SMARCA2: variants seen among roughly 807,000 people sequenced by gnomAD.
SMARCA2 encodes the protein SWI/SNF related BAF chromatin remodeling complex subunit ATPase 2.
A neutral mutation model predicts 199.8 loss-of-function variants in SMARCA2; 61 were observed. That is an observed-to-expected ratio of 0.31 (90% CI 0.25 to 0.38). SMARCA2 has a LOEUF of 0.38. SMARCA2 is among the 10% of genes least tolerant of loss of function. The pLI is 1.00. For synonymous variants in SMARCA2, 935 were observed against 732.0 expected (o/e 1.28, Z -4.48); for missense variants, 1,344 against 2,012.2 (o/e 0.67, Z 6.35).
At chr9:2,077,444 G>A (rs73638378) in intron 13 of SMARCA2, among the ~76,000 whole-genome samples, 185 bp from the exon 14 acceptor site, 3 of 152,056 alleles carry the variant, frequency 2.0e-5, no homozygotes, top group Non-Finnish European at 4.4e-5. Flanking sequence ...TCATCATAAC[G>A]CCTTTTGTGC....
At chr9:2,184,457 A>G (rs146365575) in intron 31 of SMARCA2, among the ~76,000 whole-genome samples, 2 of 151,094 alleles carry the variant, frequency 1.3e-5, no homozygotes, top group South Asian at 2.1e-4. Flanking sequence ...GGTTCAAGCA[A>G]TTCTTCTGCC....
At chr9:2,139,585 C>A (rs1824369672) in intron 27 of SMARCA2, among the ~76,000 whole-genome samples, 1 of 152,072 alleles carries the variant, frequency 6.6e-6, no homozygotes, top group Admixed American at 6.5e-5. Context: ...TATTTGCTGC[C>A]ATTTTATCTG....
intron 29 of SMARCA2, among the ~76,000 whole-genome samples, chr9:2,176,189 T>G (rs1220482287): frequency 3.7e-5 from 5 of 135,706 alleles, no homozygotes; most frequent in South Asian, 2.1e-4. Context: ...CCTGTTTTTT[T>G]TTTTTTTTTT....
intron 29 of SMARCA2, among the ~76,000 whole-genome samples, chr9:2,176,335 A>G (rs1170069593): frequency 6.6e-6 from 1 of 152,104 alleles, no homozygotes; most frequent in African/African-American, 2.4e-5. Context: ...TAATCCTGTC[A>G]TGAACATCTT....
chr9:2,026,227 G>C (rs1417778799), intron 1 of SMARCA2, among the ~76,000 whole-genome samples: 5 of 152,174 alleles, frequency 3.3e-5, no homozygotes, highest in East Asian at 3.8e-4. Flanking sequence ...ATGGCACAGG[G>C]TACATTTCTT....
chr9:2,066,684 T>C (rs1820850441), intron 9 of SMARCA2, among the ~76,000 whole-genome samples: 2 of 152,238 alleles, frequency 1.3e-5, no homozygotes, highest in Admixed American at 1.3e-4. Flanking sequence ...CAGTGTTTTG[T>C]TTTGTTTTCA....
Position 2,088,617 on chromosome 9 carries a change from T to C in SMARCA2, c.2883+4T>C, listed in dbSNP as rs370901967. ...TGAATCCCAGCTTCCCGAAAAAGTATGTTGCACAACCAAAAGTTGTGGGTT... is the reference window on the plus strand; with the variant it reads ...TGAATCCCAGCTTCCCGAAAAAGTACGTTGCACAACCAAAAGTTGTGGGTT... On this transcript the variant is annotated splice_donor_region_variant and intron_variant, in intron 19 of 33. Coordinates refer to ENST00000349721, the MANE Select transcript of SMARCA2 (RefSeq NM_003070.5). The C allele has an allele frequency of 5.7e-6, 9 of 1,579,736 alleles. No individual in the cohort carries two copies. The highest frequency in any genetic ancestry group is 4.5e-5 in the East Asian group (2 of 44,416).
At chr9:2,060,771 G>T (rs369118319) in intron 8 of SMARCA2, 45 bp from the exon 9 acceptor site, 309 of 1,585,586 alleles carry the variant, frequency 1.9e-4, no homozygotes, top group Non-Finnish European at 2.5e-4. Flanking sequence ...GGAGTTGTCT[G>T]CACGCTTATA....
intron 27 of SMARCA2, chr9:2,160,703 G>C: frequency 1.5e-6 from 1 of 647,496 alleles, no homozygotes; most frequent in Non-Finnish European, 2.8e-6. Flanking sequence ...TTGAGAGGCA[G>C]GAGGAACAAA....
chr9:2,048,338 C>A (rs1474584799), intron 5 of SMARCA2, among the ~76,000 whole-genome samples: 7 of 152,106 alleles, frequency 4.6e-5, no homozygotes, highest in Non-Finnish European at 1.0e-4. Context: ...AACTTCTTAC[C>A]GTGGCGAAGT....
intron 5 of SMARCA2, among the ~76,000 whole-genome samples, chr9:2,051,921 G>T (rs1820135712): frequency 6.6e-6 from 1 of 152,120 alleles, no homozygotes; most frequent in Admixed American, 6.5e-5. Context: ...TGTATCCAGA[G>T]ATTTGGGGCT....
intron 28 of SMARCA2, among the ~76,000 whole-genome samples, chr9:2,167,097 G>C (rs193270570): frequency 6.2e-4 from 95 of 152,304 alleles, no homozygotes; most frequent in African/African-American, 2.2e-3. Context: ...TGGGACATTT[G>C]CTTATCTCTA....
intron 23 of SMARCA2, among the ~76,000 whole-genome samples, chr9:2,106,202 G>A (rs1248768578): frequency 2.0e-5 from 3 of 152,196 alleles, no homozygotes; most frequent in Non-Finnish European, 2.9e-5. Context: ...GTGAAACCAG[G>A]TTCTAACTTG....
In SMARCA2 at chr9:2,119,982, C is replaced by T. The variant is rs547977654; in HGVS notation, c.3762+447C>T. On this transcript the variant is annotated intron_variant, in intron 26 of 33. Coordinates refer to ENST00000349721, the MANE Select transcript of SMARCA2 (RefSeq NM_003070.5). This position sits in a 1 kb window ranked among gnomAD's most constrained non-coding sequence, Gnocchi z 4.6. Reference sequence around the variant, plus strand: ...TGGCTCCTATAGGCATTGGAACTTACAACAGTGCCCTTACAGGATCAAAGC... The same window carrying T: ...TGGCTCCTATAGGCATTGGAACTTATAACAGTGCCCTTACAGGATCAAAGC... Among the ~76,000 whole-genome samples the T allele has an allele frequency of 6.6e-6, 1 of 152,328 alleles. No homozygotes were observed. The highest frequency in any genetic ancestry group is 2.1e-4 in the South Asian group (1 of 4,828).
In SMARCA2 at chr9:2,139,561, C is replaced by G. The variant is rs6475531; in HGVS notation, c.3981+15624C>G. Among the ~76,000 whole-genome samples the G allele has an allele frequency of 7.5e-3, 1,136 of 152,170 alleles. 15 individuals are homozygous for G. Among genetic ancestry groups the G allele is most frequent in the African/African-American group, 0.026 (1,091 of 41,500 alleles). ...ATTAATAAGTCCAGCATAGGGGTTA[C>G]TGGTATATATTTTTATTTGCTGCCA... On this transcript the variant is annotated intron_variant, in intron 27 of 33. Coordinates refer to ENST00000349721, the MANE Select transcript of SMARCA2 (RefSeq NM_003070.5).
At chr9:2,040,324 A>G (rs753739969) in intron 4 of SMARCA2, 3 of 256,130 alleles carry the variant, frequency 1.2e-5, no homozygotes, top group Non-Finnish European at 2.2e-5. Context: ...CCTTTTTGTT[A>G]TGAAGAACAT....
intron 23 of SMARCA2, among the ~76,000 whole-genome samples, chr9:2,106,037 G>A (rs1458132035): frequency 1.3e-5 from 2 of 152,196 alleles, no homozygotes; most frequent in African/African-American, 2.4e-5. Flanking sequence ...AGTCACAACA[G>A]CTAACATGTA....
intron 27 of SMARCA2, 67 bp downstream of exon 27, chr9:2,124,004 G>C (rs1054524340): frequency 1.7e-5 from 22 of 1,297,268 alleles, no homozygotes; most frequent in Non-Finnish European, 2.1e-5. Context: ...AGAAACCAGG[G>C]GCCTAGAGCT....
At chr9:2,145,786 T>G (rs1273649380) in intron 27 of SMARCA2, among the ~76,000 whole-genome samples, 1 of 152,178 alleles carries the variant, frequency 6.6e-6, no homozygotes, top group Non-Finnish European at 1.5e-5. Flanking sequence ...TACTGTGCTA[T>G]GTACTCTAGG....
Sources: gnomAD v4.1 joint callset for allele counts (sites outside exome capture counted in the v4.1 genomes callset) on GRCh38, gnomAD v4.1.1 for gene constraint, Gnocchi (gnomAD v3.1) non-coding constraint, MANE v1.5 for transcripts, NCBI Gene and HGNC (gene_info 2026-07-23, HGNC 2026-07-21) for gene names.